PDE5A: variants seen among roughly 807,000 people sequenced by gnomAD.
The protein encoded by PDE5A is cGMP-specific 3',5'-cyclic phosphodiesterase.
Under a neutral mutation model 110.2 loss-of-function variants are expected in PDE5A, and 67 were observed. The ratio of observed to expected loss-of-function variants is 0.61; its 90% confidence interval spans 0.50 to 0.75. PDE5A has a LOEUF of 0.75. Ranked by LOEUF, PDE5A falls within the 30% of genes least tolerant of loss-of-function variation. PDE5A has a pLI of 0.00. For missense variants in PDE5A, 862 were observed against 1,045.1 expected (o/e 0.82, Z 2.42); for synonymous variants, 328 against 351.2 (o/e 0.93, Z 0.74).
intron 3 of PDE5A, among the ~76,000 whole-genome samples, chr4:119,587,469 C>T (rs909610771): frequency 9.7e-4 from 147 of 152,084 alleles, no homozygotes; most frequent in South Asian, 1.5e-3. Flanking sequence ...CTGCAAGCTC[C>T]GCTTCCCGGG....
intron 2 of PDE5A, among the ~76,000 whole-genome samples, chr4:119,599,933 A>G (rs1205902620): frequency 6.6e-6 from 1 of 152,136 alleles, no homozygotes; most frequent in Non-Finnish European, 1.5e-5. Context: ...AAAAATGAAG[A>G]CAAGAAAAAA....
chr4:119,554,010 T>G (rs561240747), intron 7 of PDE5A, among the ~76,000 whole-genome samples: 1 of 152,272 alleles, frequency 6.6e-6, no homozygotes, highest in African/African-American at 2.4e-5. Flanking sequence ...CAAATGGGCA[T>G]GGTGATTTTT....
chr4:119,575,594 T>C (rs1043714341), intron 3 of PDE5A, among the ~76,000 whole-genome samples: 4 of 152,212 alleles, frequency 2.6e-5, no homozygotes, highest in East Asian at 1.9e-4. Context: ...CTAAGCTTCA[T>C]AAGTGAAGGA....
intron 1 of PDE5A, among the ~76,000 whole-genome samples, chr4:119,613,330 C>T (rs1729821195): frequency 6.6e-6 from 1 of 152,168 alleles, no homozygotes; most frequent in African/African-American, 2.4e-5. Flanking sequence ...AAAACCTTCT[C>T]ATGAACTTTT....
intron 2 of PDE5A, among the ~76,000 whole-genome samples, chr4:119,601,470 G>A (rs1433193376): frequency 6.6e-6 from 1 of 150,692 alleles, no homozygotes; most frequent in Non-Finnish European, 1.5e-5. Flanking sequence ...CCCATACCTT[G>A]TCTTATGCAT....
At chr4:119,540,515 CTG>C (rs1425255651) in intron 10 of PDE5A, among the ~76,000 whole-genome samples, 7 of 152,070 alleles carry the variant, frequency 4.6e-5, no homozygotes, top group Non-Finnish European at 8.8e-5. Flanking sequence ...AAAGCTAATA[CTG>C]TGTCCATGAG....
chr4:119,606,928 C>A lies in PDE5A; in HGVS notation c.522G>T (p.Leu174Phe). Residue 174 changes from leucine (L) to phenylalanine (F), a missense_variant, in exon 2 of 21, where the codon TTG (leucine) becomes TTT (phenylalanine). Physicochemically the swap from Leu to Phe is conservative, Grantham distance 22. Transcript: ENST00000354960. The part of the protein sequence containing the change: ...DVTALCHKIF[L>F]HIHGLISADR... Reference sequence around the variant, plus strand: ...CAGCAGATATCAGTCCATGGATATGCAAGAAAATTTTGTGACATAAGGCTG... The same window carrying A: ...CAGCAGATATCAGTCCATGGATATGAAAGAAAATTTTGTGACATAAGGCTG... 1.9e-6 allele frequency: 3 copies of A among 1,614,206 alleles called. No individual in the cohort carries two copies. The highest frequency in any genetic ancestry group is 2.5e-6 in the Non-Finnish European group (3 of 1,180,036).
intron 2 of PDE5A, among the ~76,000 whole-genome samples, chr4:119,604,060 C>T (rs1729439718): frequency 2.6e-5 from 4 of 152,098 alleles, no homozygotes; most frequent in Admixed American, 2.6e-4. Flanking sequence ...GATCAACCCC[C>T]ACAAGTTCTA....
At chr4:119,624,535 G>T (rs1304113499) in intron 1 of PDE5A, among the ~76,000 whole-genome samples, 1 of 152,094 alleles carries the variant, frequency 6.6e-6, no homozygotes, top group African/African-American at 2.4e-5. Flanking sequence ...TCTGTTTCTG[G>T]ACTTTGATCC....
chr4:119,555,513 TA>T (rs1727504295), intron 7 of PDE5A, among the ~76,000 whole-genome samples: 1 of 151,864 alleles, frequency 6.6e-6, no homozygotes, highest in African/African-American at 2.4e-5. Context: ...AATAAGAAGC[TA>T]TAGTGAACAA....
intron 15 of PDE5A, among the ~76,000 whole-genome samples, chr4:119,508,881 G>C (rs2110459974): frequency 6.6e-6 from 1 of 151,998 alleles, no homozygotes; most frequent in Admixed American, 6.6e-5. Context: ...ATTTGAGCCA[G>C]CCATATAGAT....
chr4:119,587,545 G>A (rs185560304), intron 3 of PDE5A, among the ~76,000 whole-genome samples: 2,680 of 152,140 alleles, frequency 0.018, 71 homozygotes, highest in African/African-American at 0.059. Flanking sequence ...CACCGCGCCC[G>A]GCTAATTTTT....
intron 3 of PDE5A, among the ~76,000 whole-genome samples, chr4:119,592,050 T>TGAGGCAG (rs1470782273): frequency 2.7e-5 from 4 of 147,960 alleles, no homozygotes; most frequent in African/African-American, 1.0e-4. Flanking sequence ...CTCAGGAGGC[T>TGAGGCAG]GAGGCAGGAG....
At chr4:119,611,105 T>G (rs967023887) in intron 1 of PDE5A, among the ~76,000 whole-genome samples, 2 of 152,200 alleles carry the variant, frequency 1.3e-5, no homozygotes, top group Non-Finnish European at 2.9e-5. Flanking sequence ...TCTCCCCTCA[T>G]TGGCACATGG....
intron 3 of PDE5A, among the ~76,000 whole-genome samples, chr4:119,594,430 C>T (rs1225561598): frequency 3.9e-5 from 6 of 152,172 alleles, no homozygotes; most frequent in Non-Finnish European, 5.9e-5. Flanking sequence ...CATTGTCTTC[C>T]TAAGTGCACG....
At position 119,573,012 on chromosome 4, in the gene PDE5A, T is replaced by C. The variant is rs181824224; in HGVS notation, c.832-5868A>G. 5.3e-4 allele frequency among the ~76,000 whole-genome samples: 80 copies of C among 152,344 alleles called. 2 individuals are homozygous for C. Among genetic ancestry groups the C allele is most frequent in the Admixed American group, 5.2e-3 (79 of 15,302 alleles). On this transcript the variant is annotated intron_variant, in intron 3 of 20. Coordinates refer to ENST00000354960, the MANE Select transcript of PDE5A (RefSeq NM_001083.4). The stretch of plus-strand genomic sequence containing the variant: ...TACTTTTATCTTTCAAAAAGGTTTC[T>C]TAAATGAAATAATATATAGGAATCA...
intron 1 of PDE5A, among the ~76,000 whole-genome samples, chr4:119,625,243 C>T (rs576740961): frequency 3.9e-5 from 6 of 152,080 alleles, no homozygotes; most frequent in Admixed American, 6.6e-5. Context: ...GTGATCTGCC[C>T]GCCTCGGCCT....
chr4:119,539,087 G>C, intron 10 of PDE5A, 68 bp from the exon 11 acceptor site: 1 of 1,175,702 alleles, frequency 8.5e-7, no homozygotes, highest in South Asian at 1.2e-5. Flanking sequence ...AGAACTTCAA[G>C]CTTGGAATTC....
chr4:119,546,853 A>AT (rs1337577054), intron 9 of PDE5A, among the ~76,000 whole-genome samples: 1 of 151,880 alleles, frequency 6.6e-6, no homozygotes, highest in Non-Finnish European at 1.5e-5. Context: ...AAATGGTTTT[A>AT]TTTTTTTCCA....
Sources: allele counts gnomAD v4.1 joint callset (sites outside exome capture counted in the v4.1 genomes callset), GRCh38; gene constraint gnomAD v4.1.1; transcripts MANE v1.5; gene names NCBI Gene and HGNC (gene_info 2026-07-23, HGNC 2026-07-21).